LRRC28: variants seen among roughly 807,000 people sequenced by gnomAD.
LRRC28 encodes leucine-rich repeat-containing protein 28.
Under a neutral mutation model 45.7 loss-of-function variants are expected in LRRC28, and 39 were observed. The ratio of observed to expected loss-of-function variants is 0.85; its 90% CI spans 0.66 to 1.12. The LOEUF (loss-of-function observed/expected upper bound fraction) is 1.12. Ranked by LOEUF, LRRC28 falls within the 50% of genes most tolerant of loss-of-function variation. LRRC28 has a pLI of 0.00. For missense variants in LRRC28, 435 were observed against 438.5 expected, an observed-to-expected ratio of 0.99 and a Z score of 0.07; for synonymous variants, 206 against 178.8, an observed-to-expected ratio of 1.15 and a Z score of -1.22.
chr15:99,377,015 T>G (rs1195950355), intron 9 of LRRC28, among the ~76,000 whole-genome samples: 29 of 152,186 alleles, frequency 1.9e-4, no homozygotes, highest in African/African-American at 6.0e-4. Context: ...ACGTGTGCAT[T>G]TGTCTTTATA....
At chr15:99,378,289 T>G (rs1364947186) in intron 9 of LRRC28, among the ~76,000 whole-genome samples, 3 of 152,378 alleles carry the variant, frequency 2.0e-5, no homozygotes, top group Non-Finnish European at 4.4e-5. Flanking sequence ...CTAGGTATTT[T>G]ATTCTCTTTG....
In LRRC28 at chr15:99,287,802, T is replaced by C; in HGVS notation, c.248-12T>C. 6 of 1,591,368 alleles carry C rather than the reference T, an allele frequency of 3.8e-6. No homozygotes were observed. The highest frequency in any genetic ancestry group is 5.1e-6 in the Non-Finnish European group (6 of 1,169,010). The stretch of plus-strand genomic sequence containing the variant: ...GTCAAATTCATTTTGCCTTCTCCTT[T>C]TCTCTTTGAAGCCATTGGGTCTCTT... On this transcript the variant is annotated splice_polypyrimidine_tract_variant and intron_variant, in intron 4 of 9. Transcript: ENST00000301981.
chr15:99,305,574 A>G (rs1402245540), intron 5 of LRRC28, among the ~76,000 whole-genome samples: 1 of 152,206 alleles, frequency 6.6e-6, no homozygotes, highest in South Asian at 2.1e-4. Context: ...TAACACTTTC[A>G]GGATTCAAGC....
intron 4 of LRRC28, 37 bp downstream of exon 4, chr15:99,287,331 A>G: frequency 2.1e-6 from 3 of 1,436,910 alleles, no homozygotes; most frequent in South Asian, 2.8e-5. Flanking sequence ...AGAAGATAAT[A>G]TAATTTAAGC....
At chr15:99,331,690 C>A (rs1956163716) in intron 5 of LRRC28, among the ~76,000 whole-genome samples, 1 of 152,122 alleles carries the variant, frequency 6.6e-6, no homozygotes, top group Non-Finnish European at 1.5e-5. Flanking sequence ...CAAGCTCTCT[C>A]TCTCTCTCTC....
intron 9 of LRRC28, among the ~76,000 whole-genome samples, chr15:99,385,473 C>T (rs746359405): frequency 2.0e-5 from 3 of 152,330 alleles, no homozygotes; most frequent in Admixed American, 6.5e-5. Flanking sequence ...TCATGACTCA[C>T]GCACAAAGGT....
chr15:99,304,292 G>A (rs1955098258), intron 5 of LRRC28, among the ~76,000 whole-genome samples: 1 of 152,108 alleles, frequency 6.6e-6, no homozygotes, highest in Admixed American at 6.6e-5. Context: ...CTGGATACAA[G>A]TCATTTATCA....
At chr15:99,257,880 A>G in intron 2 of LRRC28, 1 of 775,280 alleles carries the variant, frequency 1.3e-6, no homozygotes, top group Non-Finnish European at 2.4e-6. Context: ...TGAAGTTAAC[A>G]GAATGATGAA....
intron 2 of LRRC28, among the ~76,000 whole-genome samples, chr15:99,269,106 T>G (rs2081406337): frequency 6.6e-6 from 1 of 152,184 alleles, no homozygotes; most frequent in South Asian, 2.1e-4. Flanking sequence ...TTCTGTAAGT[T>G]TTTGCTAAGT....
intron 5 of LRRC28, among the ~76,000 whole-genome samples, chr15:99,323,011 T>A (rs1955851451): frequency 6.6e-6 from 1 of 152,244 alleles, no homozygotes; most frequent in African/African-American, 2.4e-5. Flanking sequence ...TTTTCTATCA[T>A]CCAGTAATTT....
chr15:99,363,397 T>C, intron 9 of LRRC28, 132 bp downstream of exon 9: 1 of 894,606 alleles, frequency 1.1e-6, no homozygotes, highest in Non-Finnish European at 1.6e-6. Context: ...GAGAAACAGC[T>C]AAATGAAACG....
At chr15:99,268,665 C>T (rs989158131) in intron 2 of LRRC28, among the ~76,000 whole-genome samples, 15 of 152,156 alleles carry the variant, frequency 9.9e-5, no homozygotes, top group African/African-American at 3.6e-4. Context: ...CTCCCCACCC[C>T]ACCCCCGCAA....
chr15:99,367,852 T>C (rs1233503550), intron 9 of LRRC28, among the ~76,000 whole-genome samples: 1 of 152,114 alleles, frequency 6.6e-6, no homozygotes, highest in Non-Finnish European at 1.5e-5. Flanking sequence ...TGATTGGTGA[T>C]TGGCACAACT....
chr15:99,265,779 C>T (rs138435840), intron 2 of LRRC28, among the ~76,000 whole-genome samples: 351 of 152,248 alleles, frequency 2.3e-3, no homozygotes, highest in African/African-American at 7.7e-3. Flanking sequence ...ATGGCTTAAC[C>T]TCTTTGGACC....
intron 3 of LRRC28, among the ~76,000 whole-genome samples, chr15:99,281,629 A>T (rs940934303): frequency 3.3e-5 from 5 of 152,254 alleles, no homozygotes; most frequent in Non-Finnish European, 7.4e-5. Flanking sequence ...GATTCTTGGC[A>T]TGTCTAATAC....
At position 99,386,177 on chromosome 15, in the gene LRRC28, C is replaced by T. The variant is rs1464464325; in HGVS notation, c.*75C>T. The T allele has an allele frequency of 8.6e-7, 1 of 1,168,750 alleles. No homozygotes were observed. Among genetic ancestry groups the T allele is most frequent in the African/African-American group, 1.5e-5 (1 of 66,272 alleles). 72.4% of individuals were successfully genotyped at this position (1,168,750 alleles called of 1,614,324 possible). A position where few individuals can be genotyped will look rare whatever the true frequency, so the allele number is the denominator to read the frequency against. On this transcript the variant is annotated 3_prime_UTR_variant, in exon 10 of 10. Coordinates refer to ENST00000301981, the MANE Select transcript of LRRC28 (RefSeq NM_144598.5). The stretch of plus-strand genomic sequence containing the variant: ...CAGCCAGTCCAGCACACTCTTCCAT[C>T]CTGTCCTGTCCAATGCGGGGGCACT...
chr15:99,370,354 C>T (rs1004195667), intron 9 of LRRC28, among the ~76,000 whole-genome samples: 3 of 152,238 alleles, frequency 2.0e-5, no homozygotes, highest in East Asian at 1.9e-4. Context: ...AAGGTACTTT[C>T]GAAATATATG....
At chr15:99,259,147 G>A in intron 2 of LRRC28, 5 of 1,318,316 alleles carry the variant, frequency 3.8e-6, no homozygotes, top group Non-Finnish European at 5.5e-6. Flanking sequence ...AACTTCTTAG[G>A]TTCCAGTCTT....
intron 5 of LRRC28, among the ~76,000 whole-genome samples, chr15:99,311,226 G>T (rs552251967): frequency 1.3e-5 from 2 of 152,210 alleles, no homozygotes; most frequent in African/African-American, 4.8e-5. Flanking sequence ...AACCTGGCAC[G>T]TGAGGTCAGG....
Sources: gnomAD v4.1 joint callset for allele counts (sites outside exome capture counted in the v4.1 genomes callset) on GRCh38, gnomAD v4.1.1 for gene constraint, MANE v1.5 for transcripts, NCBI Gene and HGNC (gene_info 2026-07-23, HGNC 2026-07-21) for gene names.